The following PRELID2 variants were observed in gnomAD, a reference collection of about 807,000 sequenced individuals.
The protein encoded by PRELID2 is PRELI domain-containing protein 2.
A neutral mutation model predicts 28.4 loss-of-function variants in PRELID2; 25 were observed. That is an observed-to-expected ratio of 0.88 (90% CI 0.64 to 1.23). The LOEUF is 1.23. Ranked by LOEUF, PRELID2 falls within the 50% of genes most tolerant of loss-of-function variation. PRELID2 has a pLI of 0.00. For synonymous variants in PRELID2, 76 were observed against 71.6 expected (o/e 1.06, Z -0.31); for missense variants, 201 against 214.4 (o/e 0.94, Z 0.39).
rs144851100 is a variant in PRELID2, at chr5:145,499,564, A to G, written n.71-26249T>C. 7.6e-3 allele frequency among the ~76,000 whole-genome samples: 1,159 copies of G among 152,250 alleles called. 20 individuals carry two copies. Among genetic ancestry groups the G allele is most frequent in the African/African-American group, 0.026 (1,092 of 41,544 alleles). On this transcript the variant is annotated intron_variant and non_coding_transcript_variant, in intron 1 of 2. Coordinates refer to the PRELID2 transcript ENST00000510259. ...GGGGTGGGGCCTGGAGCCAGGGGTC[A>G]GGCATCTATGCCAGAGAAGCCGAAG...
the PRELID2 span, among the ~76,000 whole-genome samples, chr5:145,368,194 T>C: frequency 2.0e-5 from 3 of 152,026 alleles, no homozygotes; most frequent in African/African-American, 7.2e-5. Flanking sequence ...TTTCAACAAC[T>C]AGTTCAATGC....
At chr5:145,692,388 A>G (rs1222351524) in intron 1 of PRELID2, among the ~76,000 whole-genome samples, 3 of 152,138 alleles carry the variant, frequency 2.0e-5, no homozygotes, top group African/African-American at 7.2e-5. Context: ...AAACACACAC[A>G]TACCCCCTAG....
At chr5:145,604,358 T>C (rs1421937018) in intron 1 of PRELID2, among the ~76,000 whole-genome samples, 1 of 152,138 alleles carries the variant, frequency 6.6e-6, no homozygotes, top group Non-Finnish European at 1.5e-5. Flanking sequence ...TGGTTTTCTG[T>C]CTGTGCACTA....
At chr5:145,433,110 A>G in the PRELID2 span, among the ~76,000 whole-genome samples, 3 of 152,224 alleles carry the variant, frequency 2.0e-5, no homozygotes, top group South Asian at 6.2e-4. Context: ...CCCAACATCC[A>G]TTCCCTCTGT....
the PRELID2 span, among the ~76,000 whole-genome samples, chr5:145,245,239 A>G: frequency 6.6e-6 from 1 of 152,144 alleles, no homozygotes; most frequent in Non-Finnish European, 1.5e-5. Flanking sequence ...AAACTGTCAC[A>G]GTGCCCAATA....
chr5:145,514,112 A>G (rs1348886567), intron 1 of PRELID2, among the ~76,000 whole-genome samples: 2 of 152,184 alleles, frequency 1.3e-5, no homozygotes, highest in Non-Finnish European at 2.9e-5. Context: ...ACCAGCTAGC[A>G]TCATAATGAC....
At chr5:145,323,898 T>C in the PRELID2 span, among the ~76,000 whole-genome samples, 1 of 152,220 alleles carries the variant, frequency 6.6e-6, no homozygotes, top group South Asian at 2.1e-4. Flanking sequence ...ATGTCTTTGC[T>C]ATTGTGAATA....
At chr5:145,678,188 T>A (rs1347704900) in intron 1 of PRELID2, among the ~76,000 whole-genome samples, 1 of 152,182 alleles carries the variant, frequency 6.6e-6, no homozygotes, top group Non-Finnish European at 1.5e-5. Flanking sequence ...CTAATATTGT[T>A]CAAATACACA....
intron 1 of PRELID2, among the ~76,000 whole-genome samples, chr5:145,599,030 T>C (rs1490009040): frequency 1.3e-5 from 2 of 152,164 alleles, no homozygotes; most frequent in South Asian, 2.1e-4. Flanking sequence ...ATTCAGCCTA[T>C]AGGTTGTTAC....
At chr5:145,408,410 TATATATATGTATA>T in the PRELID2 span, among the ~76,000 whole-genome samples, 1 of 138,232 alleles carries the variant, frequency 7.2e-6, no homozygotes, top group African/African-American at 2.5e-5. Context: ...TATATATATA[TATATATATGTATA>T]ATATATATGT....
chr5:145,604,006 A>G (rs984593256), intron 1 of PRELID2, among the ~76,000 whole-genome samples: 1 of 152,062 alleles, frequency 6.6e-6, no homozygotes, highest in African/African-American at 2.4e-5. Flanking sequence ...TACTAATAAG[A>G]CAGGTTTCAG....
chr5:145,331,750 G>A, the PRELID2 span, among the ~76,000 whole-genome samples: 1 of 151,944 alleles, frequency 6.6e-6, no homozygotes, highest in African/African-American at 2.4e-5. Context: ...CTTTCAATTG[G>A]GGCATTTAGC....
chr5:145,477,058 GT>G (rs1235181461), intron 1 of PRELID2, among the ~76,000 whole-genome samples: 2 of 152,134 alleles, frequency 1.3e-5, no homozygotes, highest in Admixed American at 1.3e-4. Context: ...AACTGTTTCA[GT>G]TGACAATAAT....
At chr5:145,699,872 T>G (rs1755367728) in intron 1 of PRELID2, among the ~76,000 whole-genome samples, 1 of 152,200 alleles carries the variant, frequency 6.6e-6, no homozygotes, top group Admixed American at 6.5e-5. Context: ...ACCCTGGTGT[T>G]TGGTGTTTCT....
chr5:145,331,655 A>C, the PRELID2 span, among the ~76,000 whole-genome samples: 1 of 151,502 alleles, frequency 6.6e-6, no homozygotes, highest in African/African-American at 2.4e-5. Flanking sequence ...TTTTGAGCCT[A>C]TGTGTGTCTT....
chr5:145,456,331 A>G, the PRELID2 span, among the ~76,000 whole-genome samples: 1 of 152,210 alleles, frequency 6.6e-6, no homozygotes, highest in South Asian at 2.1e-4. Flanking sequence ...TGGTCTGCAG[A>G]CTATTTTGTG....
chr5:145,349,200 A>G, the PRELID2 span, among the ~76,000 whole-genome samples: 1 of 152,174 alleles, frequency 6.6e-6, no homozygotes, highest in Non-Finnish European at 1.5e-5. Context: ...AAAATACCCT[A>G]TGAAGCATTC....
intron 1 of PRELID2, among the ~76,000 whole-genome samples, chr5:145,668,766 G>A (rs143743725): frequency 6.6e-6 from 1 of 152,122 alleles, no homozygotes; most frequent in East Asian, 1.9e-4. Flanking sequence ...TGGTTTATTG[G>A]TTTCAATACT....
At chr5:145,422,388 C>G in the PRELID2 span, among the ~76,000 whole-genome samples, 1 of 152,112 alleles carries the variant, frequency 6.6e-6, no homozygotes, top group Admixed American at 6.5e-5. Context: ...GTAGGTCACT[C>G]AGGACTTGCT....
Sources: gnomAD v4.1 joint callset for allele counts (sites outside exome capture counted in the v4.1 genomes callset) on GRCh38, gnomAD v4.1.1 for gene constraint, MANE v1.5 for transcripts, NCBI Gene and HGNC (gene_info 2026-07-23, HGNC 2026-07-21) for gene names.